MYOM1: variants seen among roughly 807,000 people sequenced by gnomAD.
MYOM1 encodes myomesin-1.
Under a neutral mutation model 205.3 loss-of-function variants are expected in MYOM1, and 164 were observed. The ratio of observed to expected loss-of-function variants is 0.80; its 90% CI spans 0.70 to 0.91. MYOM1 has a LOEUF of 0.91. MYOM1 is among the 40% of genes least tolerant of loss of function. MYOM1 has a pLI of 0.00. For synonymous variants in MYOM1, 772 were observed against 789.4 expected, an observed-to-expected ratio of 0.98 and a Z score of 0.37; for missense variants, 2,011 against 2,127.3, an observed-to-expected ratio of 0.95 and a Z score of 1.08.
At chr18:3,098,463 G>C (rs2079334939) in intron 25 of MYOM1, among the ~76,000 whole-genome samples, 1 of 151,948 alleles carries the variant, frequency 6.6e-6, no homozygotes, top group South Asian at 2.1e-4. Flanking sequence ...ATTTTTAGTA[G>C]AGATGGGGTT....
At chr18:3,240,672 G>A in the MYOM1 span, among the ~76,000 whole-genome samples, 1 of 152,198 alleles carries the variant, frequency 6.6e-6, no homozygotes, top group East Asian at 1.9e-4. Flanking sequence ...CTGCTGAAAA[G>A]ATACCCAAAA....
At chr18:3,146,186 TA>T (rs1448793207) in intron 13 of MYOM1, among the ~76,000 whole-genome samples, 1 of 152,000 alleles carries the variant, frequency 6.6e-6, no homozygotes, top group African/African-American at 2.4e-5. Flanking sequence ...ACTGAATGTT[TA>T]ATTAAAAAAA....
At chr18:3,211,359 T>G (rs1256746955) in intron 2 of MYOM1, among the ~76,000 whole-genome samples, 1 of 152,212 alleles carries the variant, frequency 6.6e-6, no homozygotes, top group Non-Finnish European at 1.5e-5. Context: ...GAGCAATGGT[T>G]CTGACCTTTG....
rs2079191749 is a variant in MYOM1 at position 3,089,241 on chromosome 18, C to T, written c.4070G>A (p.Gly1357Asp). ...GCTCAAATACTCAACAAAGTGAGGA[C>T]CTATAAAATTTTAATGACATTAGCA... is the stretch of plus-strand genomic sequence containing the variant. ...FQRQEWIRKQ[G>D]PHFVEYLSWE... The change falls in exon 29 of 38, where the codon GGT (glycine) becomes GAT (aspartate). Residue 1357 changes from glycine (G) to aspartate (D), a missense_variant and splice_region_variant. Physicochemically the swap from Gly to Asp is moderately conservative, Grantham distance 94. Coordinates refer to ENST00000356443, the MANE Select transcript of MYOM1 (RefSeq NM_003803.4). The T allele has an allele frequency of 6.2e-7, 1 of 1,609,548 alleles. No individual in the cohort carries two copies. Among genetic ancestry groups the T allele is most frequent in the East Asian group, 2.2e-5 (1 of 44,698 alleles).
chr18:3,157,806 G>A (rs1349173721), intron 10 of MYOM1, among the ~76,000 whole-genome samples: 1 of 151,600 alleles, frequency 6.6e-6, no homozygotes, highest in Non-Finnish European at 1.5e-5. Context: ...GTGAAGCAAG[G>A]AAACACAGTA....
At chr18:3,096,822 G>C (rs2079311949) in intron 25 of MYOM1, among the ~76,000 whole-genome samples, 1 of 151,854 alleles carries the variant, frequency 6.6e-6, no homozygotes, top group African/African-American at 2.4e-5. Context: ...AAAATACCTT[G>C]AATTCTTGGT....
intron 29 of MYOM1, among the ~76,000 whole-genome samples, chr18:3,087,512 CAG>C (rs1468453991): frequency 7.4e-5 from 10 of 134,768 alleles, no homozygotes; most frequent in African/African-American, 2.6e-4. Context: ...TTTTTTGAGA[CAG>C]AGTCTCACTC....
chr18:3,098,036 G>C (rs987356348), intron 25 of MYOM1, among the ~76,000 whole-genome samples: 2 of 152,126 alleles, frequency 1.3e-5, no homozygotes, highest in African/African-American at 4.8e-5. Context: ...TTGTTGTCTA[G>C]ACACTTAATC....
chr18:3,071,110 A>G (rs1204353327), intron 37 of MYOM1, among the ~76,000 whole-genome samples: 1 of 152,136 alleles, frequency 6.6e-6, no homozygotes, highest in Non-Finnish European at 1.5e-5. Flanking sequence ...GGGGAAAAAA[A>G]TTATTAAAAA....
At chr18:3,218,026 G>A (rs1003261392) in intron 1 of MYOM1, among the ~76,000 whole-genome samples, 3 of 152,148 alleles carry the variant, frequency 2.0e-5, no homozygotes, top group African/African-American at 7.2e-5. Flanking sequence ...CCTACTTAAA[G>A]AGGTAAGAGA....
intron 19 of MYOM1, among the ~76,000 whole-genome samples, chr18:3,121,979 C>T (rs2079698834): frequency 6.6e-6 from 1 of 151,976 alleles, no homozygotes; most frequent in African/African-American, 2.4e-5. Flanking sequence ...ATTAGCCAGG[C>T]GTGGTGGCAC....
intron 5 of MYOM1, among the ~76,000 whole-genome samples, chr18:3,184,917 T>G (rs1444740482): frequency 1.3e-5 from 2 of 152,176 alleles, no homozygotes; most frequent in African/African-American, 4.8e-5. Flanking sequence ...GGACATAAAC[T>G]TCACATGTAA....
chr18:3,118,495 G>C (rs2079638370), intron 20 of MYOM1, among the ~76,000 whole-genome samples: 1 of 146,478 alleles, frequency 6.8e-6, no homozygotes, highest in African/African-American at 2.5e-5. Context: ...ATCATGCCCA[G>C]CTAATTAAAA....
intron 25 of MYOM1, among the ~76,000 whole-genome samples, chr18:3,096,603 G>T (rs2079308327): frequency 1.3e-5 from 2 of 151,986 alleles, no homozygotes; most frequent in African/African-American, 2.4e-5. Context: ...ACCACACCTG[G>T]TTAAATTTTA....
chr18:3,156,041 A>C (rs1170303957), intron 10 of MYOM1, among the ~76,000 whole-genome samples: 1 of 152,230 alleles, frequency 6.6e-6, no homozygotes, highest in African/African-American at 2.4e-5. Context: ...TCCCCTGACC[A>C]CACGGCCCCT....
chr18:3,105,991 T>C (rs537490342), intron 22 of MYOM1, among the ~76,000 whole-genome samples: 17 of 152,328 alleles, frequency 1.1e-4, no homozygotes, highest in African/African-American at 3.6e-4. Flanking sequence ...CAACCAACTG[T>C]GGATTGAAAA....
chr18:3,166,368 T>G (rs142813887), intron 9 of MYOM1, among the ~76,000 whole-genome samples: 1 of 151,852 alleles, frequency 6.6e-6, no homozygotes, highest in Non-Finnish European at 1.5e-5. Flanking sequence ...CCTCCCGGGT[T>G]CAAGCGATTA....
chr18:3,098,559 G>A (rs1418116066), intron 25 of MYOM1, among the ~76,000 whole-genome samples: 1 of 152,038 alleles, frequency 6.6e-6, no homozygotes, highest in African/African-American at 2.4e-5. Context: ...TTACAGGTGT[G>A]AGCCACCACA....
intron 2 of MYOM1, among the ~76,000 whole-genome samples, chr18:3,208,838 C>G (rs1361244058): frequency 6.6e-6 from 1 of 152,114 alleles, no homozygotes; most frequent in Non-Finnish European, 1.5e-5. Context: ...CTATTTTGCC[C>G]AGGCTGGTCT....
Sources: gnomAD v4.1 joint callset for allele counts (sites outside exome capture counted in the v4.1 genomes callset) on GRCh38, gnomAD v4.1.1 for gene constraint, MANE v1.5 for transcripts, NCBI Gene and HGNC (gene_info 2026-07-23, HGNC 2026-07-21) for gene names.